The following SLC24A3 variants were observed in gnomAD, a reference collection of about 807,000 sequenced individuals.
The protein encoded by SLC24A3 is sodium/potassium/calcium exchanger 3.
In SLC24A3, 28 loss-of-function variants were observed where a neutral mutation model predicts 75.8. The observed-to-expected ratio is 0.37, with a 90% CI of 0.27 to 0.51. SLC24A3 has a LOEUF of 0.51. Ranked by LOEUF, SLC24A3 falls within the 20% of genes least tolerant of loss-of-function variation. The pLI, the probability that SLC24A3 is intolerant of heterozygous loss-of-function variation, is 0.94. For missense variants in SLC24A3, 663 were observed against 847.8 expected (o/e 0.78, Z 2.71); for synonymous variants, 372 against 334.1 (o/e 1.11, Z -1.24).
intron 1 of SLC24A3, among the ~76,000 whole-genome samples, chr20:19,223,847 C>A (rs1191584483): frequency 6.6e-6 from 1 of 152,182 alleles, no homozygotes; most frequent in African/African-American, 2.4e-5. Context: ...GACAGTCGAT[C>A]TGATAACCGA....
intron 3 of SLC24A3, among the ~76,000 whole-genome samples, chr20:19,553,837 G>A (rs2030741787): frequency 6.6e-6 from 1 of 152,154 alleles, no homozygotes; most frequent in African/African-American, 2.4e-5. Context: ...AAAAAAGACG[G>A]AGCGTATAAA....
intron 2 of SLC24A3, among the ~76,000 whole-genome samples, chr20:19,283,595 C>T (rs961799261): frequency 5.3e-5 from 8 of 152,152 alleles, no homozygotes; most frequent in African/African-American, 9.7e-5. Flanking sequence ...CAATTGCAAA[C>T]ATCTCAAGGG....
At chr20:19,714,715 A>T (rs141600281) in intron 15 of SLC24A3, among the ~76,000 whole-genome samples, 10 of 152,360 alleles carry the variant, frequency 6.6e-5, no homozygotes, top group African/African-American at 2.4e-4. Context: ...GCAACTCCAC[A>T]AAAGAGTGAG....
intron 2 of SLC24A3, among the ~76,000 whole-genome samples, chr20:19,338,075 GA>G (rs1291396215): frequency 6.6e-6 from 1 of 151,968 alleles, no homozygotes; most frequent in Non-Finnish European, 1.5e-5. Context: ...GAACTGGGAA[GA>G]AAAAAATGTT....
At chr20:19,520,752 C>T (rs2030084626) in intron 3 of SLC24A3, among the ~76,000 whole-genome samples, 3 of 152,176 alleles carry the variant, frequency 2.0e-5, no homozygotes, top group Admixed American at 6.5e-5. Flanking sequence ...CCTGTCCGCA[C>T]TTCTTTCTTC....
chr20:19,717,663 C>A (rs1030216482), intron 16 of SLC24A3, 70 bp downstream of exon 16: 5 of 1,576,042 alleles, frequency 3.2e-6, no homozygotes, highest in Non-Finnish European at 4.4e-6. Context: ...CTTTGGAGAC[C>A]AGATGAGCTT....
Position 19,499,396 on chromosome 20 carries a change from C to T in SLC24A3, c.272-16092C>T, listed in dbSNP as rs148747214. On this transcript the variant is annotated intron_variant, in intron 2 of 16. Transcript: ENST00000328041. Reference sequence around the variant, plus strand: ...CTGGCAAGAGCCTTCTTCTGGGTGACGGACCTCTGACTTCTCCTTGTATTC... The same window carrying T: ...CTGGCAAGAGCCTTCTTCTGGGTGATGGACCTCTGACTTCTCCTTGTATTC... 1.4e-3 allele frequency among the ~76,000 whole-genome samples: 219 copies of T among 152,262 alleles called. 2 individuals are homozygous for T. The highest frequency in any genetic ancestry group is 5.1e-3 in the African/African-American group (213 of 41,566).
chr20:19,229,277 A>T (rs781123509), intron 1 of SLC24A3, among the ~76,000 whole-genome samples: 2 of 151,902 alleles, frequency 1.3e-5, no homozygotes, highest in Non-Finnish European at 2.9e-5. Context: ...GTATTTTATC[A>T]ATTTGTGAAA....
chr20:19,547,374 TGAG>T (rs1318824531), intron 3 of SLC24A3, among the ~76,000 whole-genome samples: 1 of 152,158 alleles, frequency 6.6e-6, no homozygotes, highest in African/African-American at 2.4e-5. Flanking sequence ...GACCTGAAGA[TGAG>T]GATAGGAGTA....
intron 6 of SLC24A3, among the ~76,000 whole-genome samples, chr20:19,589,939 A>C (rs1178819932): frequency 2.0e-5 from 3 of 151,974 alleles, no homozygotes. Context: ...CTCCTTCCAA[A>C]AGGGGGAATC....
intron 2 of SLC24A3, among the ~76,000 whole-genome samples, chr20:19,314,800 C>A (rs1984545906): frequency 1.3e-5 from 2 of 152,226 alleles, no homozygotes; most frequent in African/African-American, 4.8e-5. Flanking sequence ...TCATAACACA[C>A]CTTAGTGGTT....
chr20:19,503,747 G>A (rs1396092225), intron 2 of SLC24A3, among the ~76,000 whole-genome samples: 1 of 152,114 alleles, frequency 6.6e-6, no homozygotes, highest in East Asian at 1.9e-4. Context: ...CAACAGCTAC[G>A]CATATTCTTA....
intron 7 of SLC24A3, among the ~76,000 whole-genome samples, chr20:19,663,374 G>A (rs1310837982): frequency 3.7e-5 from 2 of 53,572 alleles, no homozygotes; most frequent in Non-Finnish European, 9.5e-5. Flanking sequence ...CCACAGGGTA[G>A]AGAAGCCCTG....
At chr20:19,692,867 T>G (rs989817459) in intron 12 of SLC24A3, among the ~76,000 whole-genome samples, 13 of 146,902 alleles carry the variant, frequency 8.8e-5, no homozygotes, top group African/African-American at 3.3e-4. Context: ...CCACTGGAGG[T>G]CTTCCTAGCT....
chr20:19,264,893 C>T (rs1371356171), intron 1 of SLC24A3, among the ~76,000 whole-genome samples: 1 of 152,100 alleles, frequency 6.6e-6, no homozygotes, highest in East Asian at 1.9e-4. Flanking sequence ...CCAGAGGGAT[C>T]CTGGTCTTGT....
At chr20:19,496,142 G>A (rs1988283760) in intron 2 of SLC24A3, among the ~76,000 whole-genome samples, 2 of 152,254 alleles carry the variant, frequency 1.3e-5, no homozygotes, top group Middle Eastern at 3.4e-3. Flanking sequence ...CTTTGGCCAC[G>A]GGTGGTTGTT....
chr20:19,411,567 G>A lies in SLC24A3; in HGVS notation c.272-103921G>A, dbSNP rs114888619. On this transcript the variant is annotated intron_variant, in intron 2 of 16. Coordinates refer to ENST00000328041, the MANE Select transcript of SLC24A3 (RefSeq NM_020689.4). ...AATTTCCCAGGCAACTGAAAACCCT[G>A]GCTGTTGGAACAATCTTGCTGTGAT... 7.2e-3 allele frequency among the ~76,000 whole-genome samples: 1,100 copies of A among 152,308 alleles called. 9 individuals carry two copies. The highest frequency in any genetic ancestry group is 0.025 in the African/African-American group (1,046 of 41,564).
At chr20:19,328,246 C>T (rs1167906221) in intron 2 of SLC24A3, among the ~76,000 whole-genome samples, 1 of 151,088 alleles carries the variant, frequency 6.6e-6, no homozygotes, top group Non-Finnish European at 1.5e-5. Flanking sequence ...GGAGGGACGT[C>T]AAAGGTCGTG....
intron 2 of SLC24A3, among the ~76,000 whole-genome samples, chr20:19,504,079 A>G (rs1988427631): frequency 6.6e-6 from 1 of 152,196 alleles, no homozygotes; most frequent in African/African-American, 2.4e-5. Flanking sequence ...GAGATGCTCT[A>G]CCACACTGAG....
Sources: gnomAD v4.1 joint callset for allele counts (sites outside exome capture counted in the v4.1 genomes callset) on GRCh38, gnomAD v4.1.1 for gene constraint, MANE v1.5 for transcripts, NCBI Gene and HGNC (gene_info 2026-07-23, HGNC 2026-07-21) for gene names.